HEG1: variants seen among roughly 807,000 people sequenced by gnomAD.
HEG1 encodes the protein protein HEG homolog 1.
HEG1 carries 56 observed loss-of-function variants against 125.6 expected under a neutral mutation model. The ratio of observed to expected loss-of-function variants is 0.45; its 90% CI spans 0.36 to 0.56. The LOEUF (loss-of-function observed/expected upper bound fraction) is 0.56. Ranked by LOEUF, HEG1 falls within the 20% of genes least tolerant of loss-of-function variation. The pLI is 0.00. For synonymous variants in HEG1, 644 were observed against 668.5 expected, an observed-to-expected ratio of 0.96 and a Z score of 0.57; for missense variants, 1,523 against 1,670.0, an observed-to-expected ratio of 0.91 and a Z score of 1.53.
Position 125,020,775 on chromosome 3 carries a change from A to G in HEG1, c.1252+17T>C, listed in dbSNP as rs111270343. 809 of 1,597,950 alleles carry G rather than the reference A, an allele frequency of 5.1e-4. 6 individuals are homozygous for G. The African/African-American group carries it at 9.8e-3, about 19-fold the overall frequency. ...TACAAATGTCCCTAATAGATCAAGTAAAGATGGAATACTTACTTGGGGAAT... is the reference window on the plus strand; with the variant it reads ...TACAAATGTCCCTAATAGATCAAGTGAAGATGGAATACTTACTTGGGGAAT... On this transcript the variant is annotated intron_variant, in intron 4 of 16. Transcript: ENST00000311127.
intron 1 of HEG1, among the ~76,000 whole-genome samples, chr3:125,037,157 T>C (rs972611880): frequency 6.6e-6 from 1 of 152,248 alleles, no homozygotes; most frequent in South Asian, 2.1e-4. Context: ...GCTCACACTA[T>C]ACTGTCAAAT....
chr3:124,976,948 C>G (rs2107686869), intron 15 of HEG1, among the ~76,000 whole-genome samples: 1 of 152,258 alleles, frequency 6.6e-6, no homozygotes, highest in South Asian at 2.1e-4. Flanking sequence ...TTAGAAACTA[C>G]CCATTGATAT....
rs149242068 is a variant in HEG1, at chr3:125,005,451, C to T, written c.3194-83G>A. ...TGTGTTTGCACATCTCTGGGGTGTC[C>T]GGCTTTACTCCACCTCACAGGACAA... is the stretch of plus-strand genomic sequence containing the variant. On this transcript the variant is annotated intron_variant, in intron 8 of 16. Coordinates refer to ENST00000311127, the MANE Select transcript of HEG1 (RefSeq NM_020733.2). The T allele has an allele frequency of 4.8e-5, 32 of 671,900 alleles. No homozygotes were observed. The African/African-American group carries it at 4.8e-4, about 10-fold the overall frequency. The allele number at this position is 671,900 out of a possible 1,614,324, so 41.6% of individuals were successfully genotyped here. A position where few individuals can be genotyped will look rare whatever the true frequency, so the allele number is the denominator to read the frequency against.
chr3:125,004,737 A>T lies in HEG1; in HGVS notation c.3297+528T>A, dbSNP rs892663078. Among the ~76,000 whole-genome samples the T allele has an allele frequency of 3.3e-4, 50 of 152,180 alleles. 1 individual carries two copies. Among genetic ancestry groups the T allele is most frequent in the Admixed American group, 2.0e-4 (3 of 15,280 alleles). On this transcript the variant is annotated intron_variant, in intron 9 of 16. Transcript: ENST00000311127. ...TCTTTAAAAAAAAAAAAATTCTGATAAAAAGCGGGCAAAGAGGGAAAGAAG... is the reference window on the plus strand; with the variant it reads ...TCTTTAAAAAAAAAAAAATTCTGATTAAAAGCGGGCAAAGAGGGAAAGAAG...
rs1342338622 is a variant in HEG1 at position 124,969,118 on chromosome 3, C to T, written c.*1534G>A. On this transcript the variant is annotated 3_prime_UTR_variant, in exon 17 of 17. Transcript: ENST00000311127. ...GCAGAACTGTCCCCAGTGGCTGCAC[C>T]ATTTCCAGAAATGTGAAGCGGGACT... The T allele has an allele frequency of 6.6e-6, 1 of 152,134 alleles. No individual in the cohort carries two copies. The highest frequency in any genetic ancestry group is 1.5e-5 in the Non-Finnish European group (1 of 68,018). The allele number at this position is 152,134 out of a possible 1,614,324, so 9.4% of individuals were successfully genotyped here.
chr3:125,014,046 T>C (rs1579418401), intron 5 of HEG1, 56 bp from the exon 6 acceptor site: 1 of 1,433,508 alleles, frequency 7.0e-7, no homozygotes, highest in East Asian at 2.4e-5. Flanking sequence ...AACTCTGAAA[T>C]ATGCACTATC....
chr3:124,980,147 C>T (rs1357103889), intron 14 of HEG1, among the ~76,000 whole-genome samples: 1 of 152,254 alleles, frequency 6.6e-6, no homozygotes, highest in Non-Finnish European at 1.5e-5. Context: ...TCTCCCCCAA[C>T]ATGGCTCTGA....
At chr3:125,041,088 A>G (rs1464733222) in intron 1 of HEG1, among the ~76,000 whole-genome samples, 3 of 152,196 alleles carry the variant, frequency 2.0e-5, no homozygotes, top group Admixed American at 2.0e-4. Context: ...CCTTCATTCC[A>G]GTGTCTTTCC....
intron 1 of HEG1, among the ~76,000 whole-genome samples, chr3:125,035,516 C>T (rs528949496): frequency 2.0e-4 from 30 of 152,160 alleles, no homozygotes; most frequent in African/African-American, 5.5e-4. Context: ...ATATTTTCAA[C>T]GTGCTGAGAG....
Position 125,029,323 on chromosome 3 carries a change from G to C in HEG1, c.482C>G (p.Thr161Ser). Residue 161 changes from threonine to serine, a missense_variant, in exon 2 of 17, where the codon ACT (threonine) becomes AGT (serine). Physicochemically the swap from Thr to Ser is moderately conservative, Grantham distance 58. Transcript: ENST00000311127. ...AGCATCTGCTGTTTCAGCGAGTAGA[G>C]TGAGGTTTTCTGGAGCATCCGAAGC... Reference protein sequence around the residue: ...HAASDAPENLTLLAETADARG... With the variant: ...HAASDAPENLSLLAETADARG... 1 of 1,614,018 alleles carries C rather than the reference G, an allele frequency of 6.2e-7. No individual in the cohort carries two copies. Among genetic ancestry groups the C allele is most frequent in the Non-Finnish European group, 8.5e-7 (1 of 1,179,890 alleles).
At chr3:124,994,414 T>C (rs1389725156) in intron 12 of HEG1, among the ~76,000 whole-genome samples, 1 of 152,178 alleles carries the variant, frequency 6.6e-6, no homozygotes, top group East Asian at 1.9e-4. Context: ...ACAGCTAGTA[T>C]ATATTCCCAA....
chr3:125,043,728 C>T (rs1286415299), intron 1 of HEG1, among the ~76,000 whole-genome samples: 1 of 152,156 alleles, frequency 6.6e-6, no homozygotes, highest in East Asian at 1.9e-4. Flanking sequence ...GTGGTGCGGG[C>T]CTTCCGGGTC....
chr3:124,998,096 G>A (rs1029902772), intron 11 of HEG1, among the ~76,000 whole-genome samples: 24 of 152,138 alleles, frequency 1.6e-4, no homozygotes, highest in African/African-American at 4.6e-4. Flanking sequence ...ACTGAGAAAC[G>A]AAATTGGAAT....
chr3:125,043,988 C>A (rs1468619613), intron 1 of HEG1, among the ~76,000 whole-genome samples: 1 of 152,214 alleles, frequency 6.6e-6, no homozygotes, highest in Non-Finnish European at 1.5e-5. Context: ...TGGCGGCTGA[C>A]TTTCAGAAGC....
intron 11 of HEG1, among the ~76,000 whole-genome samples, 200 bp downstream of exon 11, chr3:125,001,652 G>GGT (rs750167734): frequency 1.2e-4 from 19 of 152,116 alleles, no homozygotes; most frequent in Non-Finnish European, 1.8e-4. Flanking sequence ...CAGGACTCTG[G>GGT]GTGTGTGTGT....
intron 1 of HEG1, among the ~76,000 whole-genome samples, chr3:125,042,493 A>C (rs1037161987): frequency 6.6e-6 from 1 of 152,240 alleles, no homozygotes; most frequent in African/African-American, 2.4e-5. Flanking sequence ...AGACACTGTG[A>C]GGGTTACACG....
intron 1 of HEG1, among the ~76,000 whole-genome samples, chr3:125,036,726 T>G (rs1451704197): frequency 6.6e-6 from 1 of 152,220 alleles, no homozygotes. Context: ...TTGAAAAGCA[T>G]GGAAATACAA....
rs1398442956 is a variant in HEG1, at chr3:125,014,632, A to T, written c.1589-642T>A. On this transcript the variant is annotated intron_variant, in intron 5 of 16. Transcript: ENST00000311127. Reference sequence around the variant, plus strand: ...AAGGCACTTTCTGGCTTGACAGCTAACTGAATCATCCCAGGACGGTGAGTA... The same window carrying T: ...AAGGCACTTTCTGGCTTGACAGCTATCTGAATCATCCCAGGACGGTGAGTA... 5 of 1,120,768 alleles carry T rather than the reference A, an allele frequency of 4.5e-6. No homozygotes were observed. In the East Asian group the frequency reaches 3.0e-4, roughly 68 times the overall value. The allele number at this position is 1,120,768 out of a possible 1,614,324, so 69.4% of individuals were successfully genotyped here.
rs1215149000 is a variant in HEG1 at position 125,002,266 on chromosome 3, T to A, written c.3347A>T (p.His1116Leu). 1 of 1,613,240 alleles carries A rather than the reference T, an allele frequency of 6.2e-7. No homozygotes were observed. The highest frequency in any genetic ancestry group is 1.7e-5 in the Admixed American group (1 of 59,976). The stretch of plus-strand genomic sequence containing the variant: ...TAATTCTGTTACTTACCTAGAGGCG[T>A]GAACTGTAGATCGGATGTAACTAGG... Reference protein sequence around the residue: ...ALPSYIRSTVHASRESNAVVI... With the variant: ...ALPSYIRSTVLASRESNAVVI... The change falls in exon 10 of 17, where the codon CAC (histidine) becomes CTC (leucine). Residue 1116 changes from histidine to leucine, a missense_variant. His to Leu is a moderately conservative substitution (Grantham distance 99). Transcript: ENST00000311127.
Sources: allele counts gnomAD v4.1 joint callset (sites outside exome capture counted in the v4.1 genomes callset), GRCh38; gene constraint gnomAD v4.1.1; transcripts MANE v1.5; gene names NCBI Gene and HGNC (gene_info 2026-07-23, HGNC 2026-07-21).